Variants in RNASEL observed in about 807,000 individuals in gnomAD.
The protein encoded by RNASEL is 2-5A-dependent ribonuclease.
A neutral mutation model predicts 50.9 loss-of-function variants in RNASEL; 36 were observed. That is an observed-to-expected ratio of 0.71 (90% confidence interval 0.54 to 0.93). The LOEUF (loss-of-function observed/expected upper bound fraction) is 0.93, where lower values mean the gene tolerates loss of function less well. Ranked by LOEUF, RNASEL falls within the 40% of genes least tolerant of loss-of-function variation. The pLI is 0.00. For missense variants in RNASEL, 860 were observed against 894.5 expected, an observed-to-expected ratio of 0.96 and a Z score of 0.49; for synonymous variants, 335 against 335.6, an observed-to-expected ratio of 1.00 and a Z score of 0.02.
Position 182,584,115 on chromosome 1 carries a change from GCC to G in RNASEL, c.1530_1531del (p.Trp510CysfsTer30). Reference sequence around the variant, plus strand: ...TCTCTTGACTTCCTGTGGATCTCCAGCCCACTTGATGCTCTTATCAAAATCTG... The same window carrying G: ...TCTCTTGACTTCCTGTGGATCTCCAGCACTTGATGCTCTTATCAAAATCTG... On this transcript the variant is annotated frameshift_variant, in exon 3 of 7. Transcript: ENST00000367559. LOFTEE classifies it high-confidence loss of function. 6.2e-7 allele frequency: 1 copy of G among 1,613,992 alleles called. No homozygotes were observed.
chr1:182,577,032 ATG>A lies in RNASEL; in HGVS notation c.1906-645_1906-644del, dbSNP rs1558467554. On this transcript the variant is annotated intron_variant, in intron 5 of 6. Transcript: ENST00000367559. The stretch of plus-strand genomic sequence containing the variant: ...GCTGGGATTACAGGCACCCGCCACT[ATG>A]CCCAGCTAATTTTTTTTTTTTTGTA... 6 of 149,070 alleles carry A rather than the reference ATG, an allele frequency of 4.0e-5. No homozygotes were observed. The East Asian group carries it at 1.2e-3, about 30-fold the overall frequency. 9.2% of individuals were successfully genotyped at this position (149,070 alleles called of 1,614,324 possible).
At position 182,586,666 on chromosome 1, in the gene RNASEL, A is replaced by T. The variant is rs1195225889; in HGVS notation, c.141T>A (p.Gly47=). The T allele has an allele frequency of 6.2e-7, 1 of 1,613,766 alleles. No homozygotes were observed. Among genetic ancestry groups the T allele is most frequent in the Non-Finnish European group, 8.5e-7 (1 of 1,179,780 alleles). Residue 47 remains glycine, a synonymous_variant, in exon 2 of 7, where the codon GGT becomes GGA. Coordinates refer to ENST00000367559, the MANE Select transcript of RNASEL (RefSeq NM_021133.4). ...DVDLVQQLLE[G]GANVNFQEEE... ...CTTCCTGGAAATTAACATTGGCTCCACCTTCCAGCAATTGCTGGACCAGGT... is the reference window on the plus strand; with the variant it reads ...CTTCCTGGAAATTAACATTGGCTCCTCCTTCCAGCAATTGCTGGACCAGGT...
Position 182,575,413 on chromosome 1 carries a change from C to A in RNASEL, c.2205G>T (p.Gly735=), listed in dbSNP as rs143546054. 21 of 1,613,998 alleles carry A rather than the reference C, an allele frequency of 1.3e-5. No homozygotes were observed. In the Middle Eastern group the frequency reaches 6.6e-4, roughly 51 times the overall value. ...TCCATCAGCACCCAGGGCTGGCCAA[C>A]CCACTGGCCCCACCAGCTCCATCAC... ...PQCDGAGGAS[G]LASPGC The change falls in exon 7 of 7, where the codon GGG becomes GGT. Residue 735 remains glycine (G), a synonymous_variant. Transcript: ENST00000367559.
chr1:182,578,369 A>C (rs536109093), intron 5 of RNASEL: 21 of 152,384 alleles, frequency 1.4e-4, no homozygotes, highest in African/African-American at 5.0e-4. Context: ...GCCAAAAAGC[A>C]TATGAAAAAA....
rs1661613027 is a variant in RNASEL, at chr1:182,586,935, AGAAG to A, written c.-133_-130del. The A allele has an allele frequency of 8.2e-7, 1 of 1,224,192 alleles. No individual in the cohort carries two copies. Among genetic ancestry groups the A allele is most frequent in the Non-Finnish European group, 1.2e-6 (1 of 842,274 alleles). 75.8% of individuals were successfully genotyped at this position (1,224,192 alleles called of 1,614,324 possible). A position where few individuals can be genotyped will look rare whatever the true frequency, so the allele number is the denominator to read the frequency against. ...CTCTGGCAACAGAGCAGCAGTATGAAGAAGGAACAATGTTCTCAGTCTTCTGACA... is the reference window on the plus strand; with the variant it reads ...CTCTGGCAACAGAGCAGCAGTATGAAGAACAATGTTCTCAGTCTTCTGACA... On this transcript the variant is annotated 5_prime_UTR_variant, in exon 2 of 7. Transcript: ENST00000367559.
At position 182,586,704 on chromosome 1, in the gene RNASEL, T is replaced by C. The variant is rs779010627; in HGVS notation, c.103A>G (p.Asn35Asp). ...TGCTGGACCAGGTCAACATCTTCGTTTTGAACAGCTTTAATCAGCAAGTGA... is the reference window on the plus strand; with the variant it reads ...TGCTGGACCAGGTCAACATCTTCGTCTTGAACAGCTTTAATCAGCAAGTGA... ...DNHLLIKAVQ[N>D]EDVDLVQQLL... The change falls in exon 2 of 7, where the codon AAC (asparagine) becomes GAC (aspartate). Residue 35 changes from asparagine (N) to aspartate (D), a missense_variant. Coordinates refer to ENST00000367559, the MANE Select transcript of RNASEL (RefSeq NM_021133.4). The C allele has an allele frequency of 2.4e-5, 39 of 1,614,246 alleles. No homozygotes were observed. Among genetic ancestry groups the C allele is most frequent in the Non-Finnish European group, 3.1e-5 (37 of 1,180,050 alleles).
intron 3 of RNASEL, 137 bp from the exon 4 acceptor site, chr1:182,582,395 G>A (rs953716057): frequency 1.0e-6 from 1 of 978,418 alleles, no homozygotes; most frequent in Non-Finnish European, 1.6e-6. Context: ...GGGAGGGAAG[G>A]CACAGATGTG....
At chr1:182,585,305 G>A (rs954772894) in intron 2 of RNASEL, 22 bp downstream of exon 2, 1 of 1,610,754 alleles carries the variant, frequency 6.2e-7, no homozygotes, top group Non-Finnish European at 8.5e-7. Flanking sequence ...TTCTAAGAGA[G>A]AATTGGGGAT....
In RNASEL at chr1:182,574,181, C is replaced by T. The variant is rs750113514; in HGVS notation, c.*1211G>A. 3 of 223,910 alleles carry T rather than the reference C, an allele frequency of 1.3e-5. No homozygotes were observed. Among genetic ancestry groups the T allele is most frequent in the Non-Finnish European group, 2.7e-5 (3 of 112,416 alleles). 13.9% of individuals were successfully genotyped at this position (223,910 alleles called of 1,614,324 possible). On this transcript the variant is annotated 3_prime_UTR_variant, in exon 7 of 7. Coordinates refer to ENST00000367559, the MANE Select transcript of RNASEL (RefSeq NM_021133.4). ...GTACGAAGATGGTTCATTCATTATTCAATGAATATTTATTAAACATTCCCA... is the reference window on the plus strand; with the variant it reads ...GTACGAAGATGGTTCATTCATTATTTAATGAATATTTATTAAACATTCCCA...
Position 182,575,347 on chromosome 1 carries a change from T to C in RNASEL, c.*45A>G. 6.3e-7 allele frequency: 1 copy of C among 1,599,516 alleles called. No homozygotes were observed. Among genetic ancestry groups the C allele is most frequent in the South Asian group, 1.1e-5 (1 of 90,724 alleles). ...CAGAATGTTGTGATTTGCCAAGGAC[T>C]CTACAGCTAATAAGTAGTTCCCTGA... is the stretch of plus-strand genomic sequence containing the variant. On this transcript the variant is annotated 3_prime_UTR_variant, in exon 7 of 7. Transcript: ENST00000367559.
rs138584961 is a variant in RNASEL, at chr1:182,576,195, T to G, written c.2039+61A>C. On this transcript the variant is annotated intron_variant, in intron 6 of 6. Transcript: ENST00000367559. ...TTCCATCGTAGATATAAACTTAGAA[T>G]TGGATTTTTTAAATTGTTCTCATTT... 1,545 of 1,539,514 alleles carry G rather than the reference T, an allele frequency of 1.0e-3. 21 individuals are homozygous for G. The African/African-American group carries it at 0.019, about 19-fold the overall frequency.
At chr1:182,581,473 CTTTTTTTTTTTTT>C (rs1011639686) in intron 4 of RNASEL, 116 bp from the exon 5 acceptor site, 19 of 294,818 alleles carry the variant, frequency 6.4e-5, no homozygotes, top group African/African-American at 2.4e-4. Flanking sequence ...GTTTTTCTTT[CTTTTTTTTTTTTT>C]TTTTTTTTTT....
In RNASEL at chr1:182,579,820, G is replaced by A. The variant is rs1571265005; in HGVS notation, c.1905+1405C>T. 3.4e-6 allele frequency: 3 copies of A among 872,868 alleles called. No individual in the cohort carries two copies. In the East Asian group the frequency reaches 1.9e-4, roughly 54 times the overall value. The allele number at this position is 872,868 out of a possible 1,614,324, so 54.1% of individuals were successfully genotyped here. On this transcript the variant is annotated intron_variant, in intron 5 of 6. Coordinates refer to ENST00000367559, the MANE Select transcript of RNASEL (RefSeq NM_021133.4). Reference sequence around the variant, plus strand: ...GTCCAGCATGAGTAATTTGAGTGTGGTCTCTGAGCCTCAATTTCCTCAGTG... The same window carrying A: ...GTCCAGCATGAGTAATTTGAGTGTGATCTCTGAGCCTCAATTTCCTCAGTG...
chr1:182,577,104 C>T (rs1309204532), intron 5 of RNASEL: 4 of 150,450 alleles, frequency 2.7e-5, no homozygotes, highest in Non-Finnish European at 3.0e-5. Flanking sequence ...AGGCTGGTCT[C>T]AAACTCCTGA....
chr1:182,586,782 G>A lies in RNASEL; in HGVS notation c.25C>T (p.Pro9Ser), dbSNP rs1376540253. The stretch of plus-strand genomic sequence containing the variant: ...CTGGAGGACGTGGGTCCCTCCTGGG[G>A]GTTGTTATGATCCCTGCTCTCCATG... MESRDHNN[P>S]QEGPTSSSGR... The change falls in exon 2 of 7, where the codon CCC becomes TCC. Residue 9 changes from proline (P) to serine (S), a missense_variant. Transcript: ENST00000367559. The A allele has an allele frequency of 3.1e-6, 5 of 1,614,122 alleles. No individual in the cohort carries two copies. The highest frequency in any genetic ancestry group is 2.7e-5 in the African/African-American group (2 of 74,952).
chr1:182,584,255 TA>T, intron 2 of RNASEL, 89 bp from the exon 3 acceptor site: 1 of 891,456 alleles, frequency 1.1e-6, no homozygotes, highest in Non-Finnish European at 1.9e-6. Flanking sequence ...TAACATGCTA[TA>T]AAAATCATCA....
At chr1:182,581,811 C>A (rs1308103515) in intron 4 of RNASEL, among the ~76,000 whole-genome samples, 2 of 152,104 alleles carry the variant, frequency 1.3e-5, no homozygotes, top group Non-Finnish European at 2.9e-5. Flanking sequence ...GTAATACAAC[C>A]ATGTCTTCAA....
In RNASEL at chr1:182,575,113, A is replaced by T. The variant is rs1477524559; in HGVS notation, c.*279T>A. 2 of 496,870 alleles carry T rather than the reference A, an allele frequency of 4.0e-6. No homozygotes were observed. Among genetic ancestry groups the T allele is most frequent in the Non-Finnish European group, 7.3e-6 (2 of 275,656 alleles). 30.8% of individuals were successfully genotyped at this position (496,870 alleles called of 1,614,324 possible). A position where few individuals can be genotyped will look rare whatever the true frequency, so the allele number is the denominator to read the frequency against. On this transcript the variant is annotated 3_prime_UTR_variant, in exon 7 of 7. Coordinates refer to ENST00000367559, the MANE Select transcript of RNASEL (RefSeq NM_021133.4). ...GTGAGAGAATTGTAACATATGCAGC[A>T]TTAGGGGTCAAGGCACTCATTCTTT...
intron 1 of RNASEL, among the ~76,000 whole-genome samples, chr1:182,588,563 GA>G (rs1661643306): frequency 6.6e-6 from 1 of 152,200 alleles, no homozygotes; most frequent in Non-Finnish European, 1.5e-5. Context: ...CAGACAGCCC[GA>G]AACTGTTACC....
Sources: allele counts gnomAD v4.1 joint callset (sites outside exome capture counted in the v4.1 genomes callset), GRCh38; gene constraint gnomAD v4.1.1; transcripts MANE v1.5; gene names NCBI Gene and HGNC (gene_info 2026-07-23, HGNC 2026-07-21).